LRRC63: variants seen among roughly 807,000 people sequenced by gnomAD.
LRRC63 encodes leucine rich repeat containing 63.
Under a neutral mutation model 49.5 loss-of-function variants are expected in LRRC63, and 40 were observed. The observed-to-expected ratio is 0.81, with a 90% confidence interval of 0.63 to 1.05. The LOEUF is 1.05. Among genes scored for constraint, LRRC63 ranks in the 50% least tolerant of loss-of-function variants. LRRC63 has a pLI of 0.00. For missense variants in LRRC63, 636 were observed against 663.1 expected, an observed-to-expected ratio of 0.96 and a Z score of 0.45; for synonymous variants, 191 against 221.1, an observed-to-expected ratio of 0.86 and a Z score of 1.21.
intron 8 of LRRC63, among the ~76,000 whole-genome samples, chr13:46,264,588 T>C (rs1368504880): frequency 6.6e-6 from 1 of 152,132 alleles, no homozygotes; most frequent in Non-Finnish European, 1.5e-5. Context: ...TCTCTGCGTG[T>C]CTGTGTGTGC....
intron 7 of LRRC63, among the ~76,000 whole-genome samples, chr13:46,260,381 T>A (rs766409713): frequency 5.5e-4 from 84 of 152,218 alleles, no homozygotes; most frequent in Admixed American, 1.3e-3. Flanking sequence ...TCCTAGTCAG[T>A]CTCATTAACT....
chr13:46,234,837 A>G (rs2046861823), intron 5 of LRRC63, among the ~76,000 whole-genome samples: 2 of 152,204 alleles, frequency 1.3e-5, no homozygotes, highest in African/African-American at 2.4e-5. Flanking sequence ...AGTAACTTGT[A>G]TAAGATCACA....
intron 7 of LRRC63, among the ~76,000 whole-genome samples, chr13:46,255,328 G>T (rs1215670174): frequency 6.6e-6 from 1 of 152,002 alleles, no homozygotes; most frequent in Non-Finnish European, 1.5e-5. Context: ...TTGGGATGAT[G>T]GGAAAGTTCT....
intron 5 of LRRC63, among the ~76,000 whole-genome samples, chr13:46,235,672 T>A (rs1428562020): frequency 6.6e-6 from 1 of 152,094 alleles, no homozygotes; most frequent in South Asian, 2.1e-4. Flanking sequence ...TTTTTTCACG[T>A]CAGATGGGTA....
rs78649221 is a variant in LRRC63 at position 46,236,985 on chromosome 13, T to C, written c.990+2636T>C. On this transcript the variant is annotated intron_variant, in intron 5 of 9. Transcript: ENST00000595396. The stretch of plus-strand genomic sequence containing the variant: ...TAATTTGGTATCAATCCAAACTACA[T>C]TGTTGTAAATTTAGGATGCCAAGTG... Among the ~76,000 whole-genome samples the C allele has an allele frequency of 9.3e-3, 1,415 of 152,280 alleles. 28 individuals are homozygous for C. Among genetic ancestry groups the C allele is most frequent in the African/African-American group, 0.032 (1,345 of 41,560 alleles).
intron 5 of LRRC63, among the ~76,000 whole-genome samples, chr13:46,236,577 C>G (rs1424344713): frequency 1.3e-5 from 2 of 152,104 alleles, no homozygotes; most frequent in African/African-American, 4.8e-5. Context: ...CCCAGAAAAT[C>G]TATCCTTCAA....
chr13:46,223,373 G>A (rs1354132600), intron 2 of LRRC63, among the ~76,000 whole-genome samples: 1 of 151,644 alleles, frequency 6.6e-6, no homozygotes, highest in African/African-American at 2.4e-5. Context: ...CGTCACTCTT[G>A]GTTGTAACAA....
At chr13:46,221,256 A>G (rs1400222253) in intron 2 of LRRC63, among the ~76,000 whole-genome samples, 2 of 152,208 alleles carry the variant, frequency 1.3e-5, no homozygotes, top group African/African-American at 4.8e-5. Context: ...AATGATTTGA[A>G]TTGGTTGATA....
In LRRC63 at chr13:46,228,654, C is replaced by T; in HGVS notation, c.764-11C>T. ...ATCCAAAGTCATCCCATTTGTTTTT[C>T]ATTTTTCTAGAAACTCTTGTAACAG... On this transcript the variant is annotated splice_polypyrimidine_tract_variant and intron_variant, in intron 3 of 9. Coordinates refer to ENST00000595396, the Ensembl canonical transcript of LRRC63. The T allele has an allele frequency of 6.6e-7, 1 of 1,517,036 alleles. No homozygotes were observed. The highest frequency in any genetic ancestry group is 8.9e-7 in the Non-Finnish European group (1 of 1,119,108). 94.0% of individuals were successfully genotyped at this position (1,517,036 alleles called of 1,614,324 possible).
At chr13:46,218,952 C>A (rs765508618) in intron 2 of LRRC63, among the ~76,000 whole-genome samples, 1 of 152,156 alleles carries the variant, frequency 6.6e-6, no homozygotes, top group South Asian at 2.1e-4. Flanking sequence ...TGGTTTGTAG[C>A]GTTTCTGCAG....
At chr13:46,241,549 G>A (rs572854546) in intron 5 of LRRC63, among the ~76,000 whole-genome samples, 2 of 152,220 alleles carry the variant, frequency 1.3e-5, no homozygotes, top group East Asian at 3.9e-4. Flanking sequence ...TACAGAATGG[G>A]AGAAAATTTT....
chr13:46,256,291 A>G (rs1176253582), intron 7 of LRRC63, among the ~76,000 whole-genome samples: 1 of 152,214 alleles, frequency 6.6e-6, no homozygotes, highest in African/African-American at 2.4e-5. Flanking sequence ...CCAAAATTCC[A>G]TGGGCAGGAA....
chr13:46,234,231 T>C, exon 5 of LRRC63: 1 of 1,550,196 alleles, frequency 6.5e-7, no homozygotes, highest in South Asian at 1.2e-5. Context: ...GAGATACACG[T>C]TGTACGTGGT....
chr13:46,229,413 A>G (rs2046678508), intron 4 of LRRC63, among the ~76,000 whole-genome samples: 1 of 152,208 alleles, frequency 6.6e-6, no homozygotes, highest in Non-Finnish European at 1.5e-5. Context: ...ACAGTAACCA[A>G]TGTGGACATT....
chr13:46,258,206 C>T, intron 7 of LRRC63, among the ~76,000 whole-genome samples: 1 of 149,600 alleles, frequency 6.7e-6, no homozygotes, highest in Non-Finnish European at 1.5e-5. Flanking sequence ...CTTGGCTCAC[C>T]ACAACCTCTG....
chr13:46,251,625 G>A (rs1412520621), intron 7 of LRRC63, among the ~76,000 whole-genome samples: 1 of 151,856 alleles, frequency 6.6e-6, no homozygotes, highest in Non-Finnish European at 1.5e-5. Context: ...TCTCATTGGA[G>A]AGAGCAAAGT....
intron 7 of LRRC63, among the ~76,000 whole-genome samples, chr13:46,253,882 T>C (rs550516093): frequency 6.6e-6 from 1 of 152,298 alleles, no homozygotes; most frequent in East Asian, 1.9e-4. Context: ...CTGTTTTTCA[T>C]CACAATTCTG....
intron 2 of LRRC63, among the ~76,000 whole-genome samples, 183 bp from the exon 3 acceptor site, chr13:46,227,329 T>C (rs2046605702): frequency 6.6e-6 from 1 of 152,200 alleles, no homozygotes; most frequent in African/African-American, 2.4e-5. Flanking sequence ...CTTCTCCGGT[T>C]GCTCACTCAA....
At chr13:46,213,202 A>G (rs1215889917) in intron 2 of LRRC63, 83 bp downstream of exon 2, 11 of 826,348 alleles carry the variant, frequency 1.3e-5, no homozygotes, top group Non-Finnish European at 1.7e-5. Flanking sequence ...CAGAATCACA[A>G]TAAATACACT....
Sources: gnomAD v4.1 joint callset for allele counts (sites outside exome capture counted in the v4.1 genomes callset) on GRCh38, gnomAD v4.1.1 for gene constraint, MANE v1.5 for transcripts, NCBI Gene and HGNC (gene_info 2026-07-23, HGNC 2026-07-21) for gene names.